The following CTNNA2 variants were observed in gnomAD, a reference collection of about 807,000 sequenced individuals.
CTNNA2 encodes catenin alpha 2.
In CTNNA2, 42 loss-of-function variants were observed where a neutral mutation model predicts 101.0. That is an observed-to-expected ratio of 0.42 (90% CI 0.32 to 0.54). The LOEUF (loss-of-function observed/expected upper bound fraction) is 0.54. Ranked by LOEUF, CTNNA2 falls within the 20% of genes least tolerant of loss-of-function variation. The pLI, the probability that CTNNA2 is intolerant of heterozygous loss-of-function variation, is 0.14. For synonymous variants in CTNNA2, 450 were observed against 456.4 expected (o/e 0.99, Z 0.18); for missense variants, 871 against 1,223.1 (o/e 0.71, Z 4.29).
In CTNNA2 at chr2:79,433,988, C is replaced by T. The variant is rs187485407; in HGVS notation, c.-135+59975C>T. Among the ~76,000 whole-genome samples, 6 of 152,124 alleles carry T rather than the reference C, an allele frequency of 3.9e-5. No homozygotes were observed. The East Asian group carries it at 1.2e-3, about 29-fold the overall frequency. Reference sequence around the variant, plus strand: ...GCCAGTGTTCTTTAGAGAGGTGGTTCTTAAAAGAATAAGAGAGGTTTAAGG... The same window carrying T: ...GCCAGTGTTCTTTAGAGAGGTGGTTTTTAAAAGAATAAGAGAGGTTTAAGG... On this transcript the variant is annotated intron_variant, in intron 4 of 21. Transcript: ENST00000466387.
chr2:79,711,597 G>T (rs1685743423), intron 2 of CTNNA2, among the ~76,000 whole-genome samples: 1 of 152,094 alleles, frequency 6.6e-6, no homozygotes, highest in Non-Finnish European at 1.5e-5. Flanking sequence ...ATAAGAATTG[G>T]AATGGGTATA....
chr2:79,595,244 T>C (rs1677115284), intron 1 of CTNNA2, among the ~76,000 whole-genome samples: 1 of 152,208 alleles, frequency 6.6e-6, no homozygotes, highest in Non-Finnish European at 1.5e-5. Flanking sequence ...AAATATATGC[T>C]TTCCTCCAGG....
chr2:79,338,553 TTTC>T (rs1357164016), intron 3 of CTNNA2, among the ~76,000 whole-genome samples: 2 of 142,876 alleles, frequency 1.4e-5, no homozygotes, highest in Admixed American at 1.4e-4. Flanking sequence ...GAGGACCATT[TTTC>T]TTCTTCTTCT....
intron 7 of CTNNA2, among the ~76,000 whole-genome samples, chr2:80,042,143 T>C (rs1344599139): frequency 6.6e-6 from 1 of 152,204 alleles, no homozygotes; most frequent in Non-Finnish European, 1.5e-5. Flanking sequence ...TTTTGTATTT[T>C]TAGTGGAGAC....
At chr2:79,283,269 C>G (rs1284211097) in intron 2 of CTNNA2, among the ~76,000 whole-genome samples, 1 of 109,444 alleles carries the variant, frequency 9.1e-6, no homozygotes, top group South Asian at 3.7e-4. Flanking sequence ...TGAATTAGAT[C>G]CCATTTGTCA....
chr2:79,444,510 T>A (rs1678810894), intron 4 of CTNNA2, among the ~76,000 whole-genome samples: 1 of 152,094 alleles, frequency 6.6e-6, no homozygotes, highest in Admixed American at 6.6e-5. Flanking sequence ...CCTTGGATAA[T>A]CACTCTAGGT....
At chr2:80,282,880 A>G (rs1439060088) in intron 7 of CTNNA2, among the ~76,000 whole-genome samples, 1 of 151,986 alleles carries the variant, frequency 6.6e-6, no homozygotes, top group East Asian at 1.9e-4. Context: ...TTTTTTTTTC[A>G]GAAAGAAGTA....
intron 7 of CTNNA2, among the ~76,000 whole-genome samples, chr2:80,224,998 C>G (rs2862023): frequency 0.2 from 29,753 of 152,168 alleles, 3,990 homozygotes; most frequent in African/African-American, 0.38. Flanking sequence ...ATCCAAATCC[C>G]CACACTGCAC....
intron 4 of CTNNA2, among the ~76,000 whole-genome samples, chr2:79,390,120 G>A (rs1678156470): frequency 6.6e-6 from 1 of 152,144 alleles, no homozygotes; most frequent in African/African-American, 2.4e-5. Context: ...GGACCCAAGA[G>A]AAAGCCTGGT....
At chr2:79,710,951 A>G (rs927451181) in intron 2 of CTNNA2, among the ~76,000 whole-genome samples, 4 of 152,208 alleles carry the variant, frequency 2.6e-5, no homozygotes, top group African/African-American at 7.2e-5. Flanking sequence ...GCCTTTTTGC[A>G]TGAAACACAA....
chr2:79,749,813 CAG>C (rs979620565), intron 3 of CTNNA2, among the ~76,000 whole-genome samples: 18 of 152,096 alleles, frequency 1.2e-4, no homozygotes, highest in African/African-American at 4.3e-4. Context: ...AATGAAGTCA[CAG>C]GGGATTAAAA....
chr2:79,808,079 A>G (rs776314563), intron 3 of CTNNA2, among the ~76,000 whole-genome samples: 4 of 152,184 alleles, frequency 2.6e-5, no homozygotes, highest in African/African-American at 9.6e-5. Context: ...AAAACGTAGT[A>G]TTTATAATTG....
intron 1 of CTNNA2, among the ~76,000 whole-genome samples, chr2:79,598,165 G>T (rs139701388): frequency 7.3e-4 from 111 of 152,226 alleles, no homozygotes; most frequent in African/African-American, 2.4e-3. Context: ...TTTCAGTGCT[G>T]AATAATATTC....
intron 7 of CTNNA2, among the ~76,000 whole-genome samples, chr2:80,147,129 C>A (rs1230241513): frequency 6.6e-6 from 1 of 151,868 alleles, no homozygotes; most frequent in Non-Finnish European, 1.5e-5. Context: ...TCATGCCTGG[C>A]TAATTTTTGT....
Position 79,187,360 on chromosome 2 carries a change from C to A in CTNNA2, c.-524+1929C>A, listed in dbSNP as rs370736083. 2.2e-4 allele frequency among the ~76,000 whole-genome samples: 32 copies of A among 148,224 alleles called. 1 individual carries two copies. In the South Asian group the frequency reaches 6.6e-3, roughly 30 times the overall value. ...TCTCAGCTCACTGCAATTTCTGCCT[C>A]CCAGGTTCAAGCAATTCAGTGCAGT... is the stretch of plus-strand genomic sequence containing the variant. On this transcript the variant is annotated intron_variant, in intron 1 of 21. Transcript: ENST00000466387.
intron 2 of CTNNA2, among the ~76,000 whole-genome samples, chr2:79,213,927 G>A (rs929208164): frequency 1.8e-4 from 27 of 152,188 alleles, no homozygotes; most frequent in Non-Finnish European, 3.5e-4. Flanking sequence ...AGCGGCAGCC[G>A]CTGCACGCAG....
rs540062481 is a variant in CTNNA2, at chr2:79,321,310, T to TTA, written c.-318+8515_-318+8516dup. On this transcript the variant is annotated intron_variant, in intron 3 of 21. Transcript: ENST00000466387. ...TTGCTCTTAACTAGTCTATCACCTC[T>TTA]TACGTAGGGCATTGGCTCCAAATGC... Among the ~76,000 whole-genome samples the TTA allele has an allele frequency of 3.7e-4, 56 of 152,284 alleles. No homozygotes were observed. In the South Asian group the frequency reaches 0.011, roughly 30 times the overall value.
At chr2:80,467,599 C>A (rs1684966565) in intron 9 of CTNNA2, among the ~76,000 whole-genome samples, 1 of 152,180 alleles carries the variant, frequency 6.6e-6, no homozygotes, top group Non-Finnish European at 1.5e-5. Flanking sequence ...CACTACAATG[C>A]AATGCTGACT....
chr2:79,695,863 C>G lies in CTNNA2; in HGVS notation c.102+44205C>G, dbSNP rs144787820. On this transcript the variant is annotated intron_variant, in intron 2 of 18. Coordinates refer to ENST00000402739, the MANE Select transcript of CTNNA2 (RefSeq NM_001282597.3). Reference sequence around the variant, plus strand: ...ATGGGGTCCCCTACCAAGAGGAGGTCTGCTCAGTTGGTTTGGGGGCTTAGG... The same window carrying G: ...ATGGGGTCCCCTACCAAGAGGAGGTGTGCTCAGTTGGTTTGGGGGCTTAGG... Among the ~76,000 whole-genome samples, 728 of 152,150 alleles carry G rather than the reference C, an allele frequency of 4.8e-3. 5 individuals are homozygous for G. Among genetic ancestry groups the G allele is most frequent in the African/African-American group, 0.017 (691 of 41,562 alleles).
Sources: allele counts gnomAD v4.1 joint callset (sites outside exome capture counted in the v4.1 genomes callset), GRCh38; gene constraint gnomAD v4.1.1; transcripts MANE v1.5; gene names NCBI Gene and HGNC (gene_info 2026-07-23, HGNC 2026-07-21).